NCKAP5: variants seen among roughly 807,000 people sequenced by gnomAD.
NCKAP5 encodes the protein NCK associated protein 5, also known as nck-associated protein 5.
NCKAP5 carries 92 observed loss-of-function variants against 167.0 expected under a neutral mutation model. The ratio of observed to expected loss-of-function variants is 0.55; its 90% CI spans 0.47 to 0.66. The LOEUF is 0.66. Ranked by LOEUF, NCKAP5 falls within the 30% of genes least tolerant of loss-of-function variation. The pLI is 0.00. For missense variants in NCKAP5, 2,378 were observed against 2,315.0 expected, an observed-to-expected ratio of 1.03 and a Z score of -0.56; for synonymous variants, 891 against 877.4, an observed-to-expected ratio of 1.02 and a Z score of -0.27.
chr2:133,105,640 T>G (rs2081658805), intron 6 of NCKAP5, among the ~76,000 whole-genome samples: 1 of 152,202 alleles, frequency 6.6e-6, no homozygotes, highest in Non-Finnish European at 1.5e-5. Context: ...CACTGGGCAT[T>G]CCACCACACT....
intron 8 of NCKAP5, among the ~76,000 whole-genome samples, chr2:132,895,872 T>C (rs536129739): frequency 4.1e-5 from 6 of 147,952 alleles, no homozygotes; most frequent in African/African-American, 1.5e-4. Context: ...CAGTGGCCCA[T>C]GCCTGTAATC....
intron 2 of NCKAP5, among the ~76,000 whole-genome samples, chr2:133,553,409 G>A (rs886623864): frequency 2.0e-5 from 3 of 152,166 alleles, no homozygotes; most frequent in African/African-American, 4.8e-5. Context: ...AAGGAATGCT[G>A]GGAATCTGCA....
intron 3 of NCKAP5, among the ~76,000 whole-genome samples, chr2:133,344,906 A>C (rs1051721273): frequency 3.3e-5 from 5 of 152,014 alleles, no homozygotes; most frequent in African/African-American, 1.2e-4. Context: ...GATATGCAAA[A>C]GTCTAAAGGT....
At chr2:133,024,318 GAA>G (rs1417613358) in intron 6 of NCKAP5, among the ~76,000 whole-genome samples, 1 of 152,254 alleles carries the variant, frequency 6.6e-6, no homozygotes, top group Non-Finnish European at 1.5e-5. Context: ...TATAAGCTAA[GAA>G]TGACAACTAT....
intron 5 of NCKAP5, among the ~76,000 whole-genome samples, chr2:133,161,236 C>T (rs56029142): frequency 0.066 from 10,032 of 152,080 alleles, 379 homozygotes; most frequent in African/African-American, 0.1. Context: ...TTGTCTTCCA[C>T]GAAACTGGTC....
intron 2 of NCKAP5, among the ~76,000 whole-genome samples, chr2:133,536,958 T>A (rs1405663178): frequency 6.6e-6 from 1 of 152,038 alleles, no homozygotes; most frequent in Non-Finnish European, 1.5e-5. Context: ...CTATAATTCA[T>A]TTTAAGGGTT....
chr2:132,867,428 AT>A (rs1690442502), intron 10 of NCKAP5, among the ~76,000 whole-genome samples: 1 of 152,194 alleles, frequency 6.6e-6, no homozygotes, highest in Admixed American at 6.5e-5. Flanking sequence ...TTCCAAAGTA[AT>A]TTCAGCTGGG....
At chr2:133,614,823 G>A in the NCKAP5 span, among the ~76,000 whole-genome samples, 1 of 151,740 alleles carries the variant, frequency 6.6e-6, no homozygotes, top group Non-Finnish European at 1.5e-5. Context: ...TCCTCGAGAA[G>A]AGCAACTCCA....
intron 16 of NCKAP5, among the ~76,000 whole-genome samples, chr2:132,759,794 C>T (rs190541512): frequency 6.6e-6 from 1 of 152,028 alleles, no homozygotes; most frequent in Admixed American, 6.5e-5. Context: ...AGATTTTAGT[C>T]TATGTACATT....
chr2:133,093,764 A>T (rs934999688), intron 6 of NCKAP5, among the ~76,000 whole-genome samples: 10 of 152,200 alleles, frequency 6.6e-5, no homozygotes, highest in Admixed American at 3.3e-4. Context: ...TTACTATTTG[A>T]TAGAGGAGAA....
At chr2:132,986,039 C>T (rs939406764) in intron 7 of NCKAP5, among the ~76,000 whole-genome samples, 2 of 152,008 alleles carry the variant, frequency 1.3e-5, no homozygotes, top group African/African-American at 4.8e-5. Context: ...TACATATTTA[C>T]AGTTGTTTAC....
At chr2:133,271,222 G>A (rs62179970) in intron 4 of NCKAP5, among the ~76,000 whole-genome samples, 15,549 of 151,740 alleles carry the variant, frequency 0.1, 909 homozygotes, top group East Asian at 0.16. Context: ...GTGAGCCACT[G>A]CACCCGGCCT....
chr2:133,360,808 AG>A (rs547350720), intron 3 of NCKAP5, among the ~76,000 whole-genome samples: 127 of 152,164 alleles, frequency 8.3e-4, no homozygotes, highest in Non-Finnish European at 1.6e-3. Context: ...CACTTTTGTA[AG>A]AATATAAAAG....
intron 6 of NCKAP5, among the ~76,000 whole-genome samples, chr2:133,095,059 C>G (rs1195744881): frequency 6.6e-6 from 1 of 152,114 alleles, no homozygotes; most frequent in African/African-American, 2.4e-5. Flanking sequence ...TTGATTTCAG[C>G]CTTATGAGAC....
chr2:132,819,718 G>A (rs2105312059), intron 11 of NCKAP5, among the ~76,000 whole-genome samples: 1 of 152,028 alleles, frequency 6.6e-6, no homozygotes, highest in Admixed American at 6.5e-5. Flanking sequence ...AATTTAAAGA[G>A]GGAATGAGGA....
At chr2:133,533,527 T>C (rs953082055) in intron 2 of NCKAP5, among the ~76,000 whole-genome samples, 1 of 152,202 alleles carries the variant, frequency 6.6e-6, no homozygotes, top group African/African-American at 2.4e-5. Context: ...GAAGAGAAGA[T>C]TGAAGTCTCA....
chr2:133,447,398 C>G (rs1420472364), intron 3 of NCKAP5, among the ~76,000 whole-genome samples: 1 of 151,892 alleles, frequency 6.6e-6, no homozygotes, highest in Non-Finnish European at 1.5e-5. Context: ...GCCTCTTTCT[C>G]CGTCTTTTTC....
At chr2:133,417,839 G>A (rs1056954305) in intron 3 of NCKAP5, among the ~76,000 whole-genome samples, 7 of 152,302 alleles carry the variant, frequency 4.6e-5, no homozygotes, top group African/African-American at 1.7e-4. Context: ...CCAGCTGTCC[G>A]ACATTTTGAG....
At chr2:132,912,709 A>G (rs577299377) in intron 8 of NCKAP5, among the ~76,000 whole-genome samples, 1 of 152,300 alleles carries the variant, frequency 6.6e-6, no homozygotes, top group East Asian at 1.9e-4. Context: ...CTTCCAGGAC[A>G]AGTCAAGAAT....
Sources: gnomAD v4.1 joint callset for allele counts (sites outside exome capture counted in the v4.1 genomes callset) on GRCh38, gnomAD v4.1.1 for gene constraint, MANE v1.5 for transcripts, NCBI Gene and HGNC (gene_info 2026-07-23, HGNC 2026-07-21) for gene names.